SPEN: variants seen among roughly 807,000 people sequenced by gnomAD.
SPEN encodes the protein msx2-interacting protein.
In SPEN, 18 loss-of-function variants were observed where a neutral mutation model predicts 269.9. The ratio of observed to expected loss-of-function variants is 0.07; its 90% CI spans 0.05 to 0.10. The LOEUF (loss-of-function observed/expected upper bound fraction) is 0.10. Among genes scored for constraint, SPEN ranks in the 10% least tolerant of loss-of-function variants. SPEN has a pLI of 1.00. For missense variants in SPEN, 3,822 were observed against 4,631.2 expected (o/e 0.83, Z 5.07); for synonymous variants, 1,726 against 1,765.7 (o/e 0.98, Z 0.56).
chr1:15,922,230 C>G lies in SPEN; in HGVS notation c.1750-19C>G. 6.5e-7 allele frequency: 1 copy of G among 1,532,814 alleles called. No homozygotes were observed. Among genetic ancestry groups the G allele is most frequent in the Non-Finnish European group, 8.9e-7 (1 of 1,122,638 alleles). 95.0% of individuals were successfully genotyped at this position (1,532,814 alleles called of 1,614,324 possible). ...TAAAATTTGAAACTTGCATCAAACA[C>G]CTCTTTTTTTTTTTAAAGGTGGATT... On this transcript the variant is annotated intron_variant, in intron 9 of 14. Coordinates refer to ENST00000375759, the MANE Select transcript of SPEN (RefSeq NM_015001.3).
At position 15,938,788 on chromosome 1, in the gene SPEN, C is replaced by A. The variant is rs767393662; in HGVS notation, c.10775C>A (p.Thr3592Asn). 1 of 1,614,024 alleles carries A rather than the reference C, an allele frequency of 6.2e-7. No homozygotes were observed. The highest frequency in any genetic ancestry group is 1.7e-5 in the Admixed American group (1 of 60,012). ...GACCAAGAGGATGTTGTGAGCCAGA[C>A]CGAGTCCCTCAAGGCTGCCTTCATC... The part of the protein sequence containing the change: ...GRDQEDVVSQ[T>N]ESLKAAFITY... Residue 3592 changes from threonine (T) to asparagine (N), a missense_variant, in exon 14 of 15, where the codon ACC (threonine) becomes AAC (asparagine). Coordinates refer to ENST00000375759, the MANE Select transcript of SPEN (RefSeq NM_015001.3).
intron 10 of SPEN, among the ~76,000 whole-genome samples, chr1:15,927,179 C>T (rs2071175831): frequency 6.6e-6 from 1 of 152,166 alleles, no homozygotes; most frequent in Admixed American, 6.5e-5. Context: ...ATTTTGAATG[C>T]ACCAGACAGG....
intron 5 of SPEN, among the ~76,000 whole-genome samples, chr1:15,914,969 A>G (rs1467818326): frequency 1.3e-5 from 2 of 152,196 alleles, no homozygotes; most frequent in East Asian, 3.8e-4. Flanking sequence ...GTATTTAGAC[A>G]GTTGATTTAT....
chr1:15,890,558 G>GTGT (rs2070778971), intron 3 of SPEN, among the ~76,000 whole-genome samples: 1 of 129,750 alleles, frequency 7.7e-6, no homozygotes, highest in African/African-American at 3.0e-5. Flanking sequence ...TTTGACTCAG[G>GTGT]TTTTTTTTTT....
At chr1:15,883,068 TTTC>T (rs1309059957) in intron 3 of SPEN, among the ~76,000 whole-genome samples, 1 of 152,254 alleles carries the variant, frequency 6.6e-6, no homozygotes, top group Non-Finnish European at 1.5e-5. Flanking sequence ...TAGAGCAAGC[TTTC>T]TTCTTAAATA....
chr1:15,864,877 G>A (rs1302425151), intron 1 of SPEN, among the ~76,000 whole-genome samples: 2 of 151,440 alleles, frequency 1.3e-5, no homozygotes, highest in African/African-American at 2.4e-5. Flanking sequence ...GGGGTAGGGT[G>A]GGGAGGTGGG....
chr1:15,858,518 A>G (rs1417395447), intron 1 of SPEN, among the ~76,000 whole-genome samples: 1 of 152,220 alleles, frequency 6.6e-6, no homozygotes, highest in Middle Eastern at 3.2e-3. Flanking sequence ...AGGCTCTACC[A>G]TTGAGGTTTG....
intron 3 of SPEN, among the ~76,000 whole-genome samples, chr1:15,896,068 A>T (rs1287061354): frequency 6.6e-6 from 1 of 151,928 alleles, no homozygotes; most frequent in African/African-American, 2.4e-5. Flanking sequence ...AAAATAAGGC[A>T]CTTTTATAAA....
intron 1 of SPEN, among the ~76,000 whole-genome samples, chr1:15,850,306 A>T (rs1232803325): frequency 6.6e-6 from 1 of 152,156 alleles, no homozygotes; most frequent in Non-Finnish European, 1.5e-5. Flanking sequence ...GGAGTATCTT[A>T]CCTATTGCAG....
At chr1:15,879,347 A>G (rs1225726875) in intron 3 of SPEN, among the ~76,000 whole-genome samples, 1 of 152,112 alleles carries the variant, frequency 6.6e-6, no homozygotes, top group South Asian at 2.1e-4. Context: ...ATGGGAGTAT[A>G]ATGGATCCGC....
Position 15,933,845 on chromosome 1 carries a change from G to A in SPEN, c.7605G>A (p.Arg2535=). 6.2e-7 allele frequency: 1 copy of A among 1,613,424 alleles called. No homozygotes were observed. Among genetic ancestry groups the A allele is most frequent in the South Asian group, 1.1e-5 (1 of 91,084 alleles). The change falls in exon 11 of 15, where the codon AGG becomes AGA. Residue 2535 remains arginine (R), a synonymous_variant. Transcript: ENST00000375759. This position sits in a 1 kb window ranked among gnomAD's most constrained non-coding sequence, Gnocchi z 5.7. ...TTGACACCAGCTCCAGCACCCTGAG[G>A]AAGATTCTCATGGACCCCAAGTATG... ...SDVDTSSSTL[R]KILMDPKYVS...
chr1:15,909,095 T>C (rs1557751761), intron 3 of SPEN, among the ~76,000 whole-genome samples: 1 of 152,078 alleles, frequency 6.6e-6, no homozygotes, highest in African/African-American at 2.4e-5. Flanking sequence ...AACACTTGCA[T>C]TGGTGGTATG....
At chr1:15,885,480 CT>C (rs1203688357) in intron 3 of SPEN, among the ~76,000 whole-genome samples, 1 of 152,114 alleles carries the variant, frequency 6.6e-6, no homozygotes, top group African/African-American at 2.4e-5. Context: ...TATAATTATT[CT>C]TTGTGATGGA....
chr1:15,873,401 C>G (rs1183538525), intron 2 of SPEN: 1 of 1,172,416 alleles, frequency 8.5e-7, no homozygotes, highest in Non-Finnish European at 1.1e-6. Flanking sequence ...TTGGAGTTAC[C>G]TGTCTTCTAG....
chr1:15,902,624 A>G (rs1469351119), intron 3 of SPEN, among the ~76,000 whole-genome samples: 1 of 152,228 alleles, frequency 6.6e-6, no homozygotes, highest in African/African-American at 2.4e-5. Flanking sequence ...AGCCTGGGCA[A>G]CAAAGTAAGA....
intron 1 of SPEN, among the ~76,000 whole-genome samples, chr1:15,856,523 C>A (rs1189917719): frequency 6.6e-6 from 1 of 150,582 alleles, no homozygotes; most frequent in African/African-American, 2.4e-5. Flanking sequence ...ATTGTCATCA[C>A]AACTTGGAAA....
At chr1:15,895,678 C>CTTTT (rs746305617) in intron 3 of SPEN, among the ~76,000 whole-genome samples, 2 of 129,680 alleles carry the variant, frequency 1.5e-5, no homozygotes, top group African/African-American at 3.0e-5. Context: ...TATACTTAAC[C>CTTTT]TTTTTTTTTT....
At position 15,876,366 on chromosome 1, in the gene SPEN, G is replaced by C. The variant is rs1310713612; in HGVS notation, c.569G>C (p.Ser190Thr). The C allele has an allele frequency of 1.9e-6, 3 of 1,613,994 alleles. No homozygotes were observed. The highest frequency in any genetic ancestry group is 2.7e-5 in the African/African-American group (2 of 74,916). The change falls in exon 3 of 15, where the codon AGT becomes ACT. Residue 190 changes from serine to threonine, a missense_variant. Around this residue, in one of 16 missense-constraint regions of SPEN, gnomAD observed 327 missense variants for 350.8 expected, o/e 0.93. Transcript: ENST00000375759. Reference sequence around the variant, plus strand: ...CTCTATTACGCTTCTCGGAGTCGAAGTCCAAATCGCTTTGATGCTCATGAC... The same window carrying C: ...CTCTATTACGCTTCTCGGAGTCGAACTCCAAATCGCTTTGATGCTCATGAC... The part of the protein sequence containing the change: ...HGLYYASRSR[S>T]PNRFDAHDPR...
Position 15,891,207 on chromosome 1 carries a change from TAGAGG to T in SPEN, c.881+14530_881+14534del, listed in dbSNP as rs563801800. ...AATTGCTATGAAAAAAATTTTTTTT[TAGAGG>T]CAGTCTTGCTCTGTCACCCTGGCTG... On this transcript the variant is annotated intron_variant, in intron 3 of 14. Transcript: ENST00000375759. Among the ~76,000 whole-genome samples the T allele has an allele frequency of 4.1e-3, 621 of 152,262 alleles. 3 individuals carry two copies. The highest frequency in any genetic ancestry group is 0.014 in the African/African-American group (601 of 41,536).
Sources: gnomAD v4.1 joint callset for allele counts (sites outside exome capture counted in the v4.1 genomes callset) on GRCh38, gnomAD v4.1.1 for gene constraint, gnomAD v4.1.1 regional missense constraint, Gnocchi (gnomAD v3.1) non-coding constraint, MANE v1.5 for transcripts, NCBI Gene and HGNC (gene_info 2026-07-23, HGNC 2026-07-21) for gene names.